Variants in CLIP1 observed in about 807,000 individuals in gnomAD.
CLIP1 encodes CAP-Gly domain containing linker protein 1.
In CLIP1, 66 loss-of-function variants were observed where a neutral mutation model predicts 161.6. The observed-to-expected ratio is 0.41, with a 90% CI of 0.33 to 0.50. The LOEUF (loss-of-function observed/expected upper bound fraction) is 0.50. CLIP1 is among the 20% of genes least tolerant of loss of function. The pLI is 0.27. For missense variants in CLIP1, 1,376 were observed against 1,702.0 expected (o/e 0.81, Z 3.37); for synonymous variants, 598 against 626.2 (o/e 0.96, Z 0.67).
intron 19 of CLIP1, among the ~76,000 whole-genome samples, chr12:122,312,606 A>G (rs1951098014): frequency 6.6e-6 from 1 of 152,170 alleles, no homozygotes; most frequent in African/African-American, 2.4e-5. Flanking sequence ...TCTACTAAAA[A>G]TACAAAAATT....
chr12:122,420,141 C>G (rs1483945413), intron 1 of CLIP1, among the ~76,000 whole-genome samples: 1 of 151,266 alleles, frequency 6.6e-6, no homozygotes, highest in Non-Finnish European at 1.5e-5. Flanking sequence ...CAGGTGTGAT[C>G]AGCCTGGCTG....
At chr12:122,366,891 C>T (rs924034801) in intron 3 of CLIP1, among the ~76,000 whole-genome samples, 4 of 152,168 alleles carry the variant, frequency 2.6e-5, no homozygotes, top group Non-Finnish European at 5.9e-5. Flanking sequence ...TTTTAGTACT[C>T]GTTAGTACTA....
At chr12:122,410,355 T>C (rs1224815700) in intron 1 of CLIP1, among the ~76,000 whole-genome samples, 1 of 152,024 alleles carries the variant, frequency 6.6e-6, no homozygotes, top group Non-Finnish European at 1.5e-5. Flanking sequence ...ACCATTTTCA[T>C]TCGAAATGGT....
chr12:122,305,637 A>G (rs535982002), intron 20 of CLIP1, among the ~76,000 whole-genome samples: 2 of 152,288 alleles, frequency 1.3e-5, no homozygotes, highest in East Asian at 3.9e-4. Flanking sequence ...TTGAGGATGC[A>G]AAGTACTGAT....
At chr12:122,277,819 T>C (rs1955490722) in intron 24 of CLIP1, 2 of 227,860 alleles carry the variant, frequency 8.8e-6, no homozygotes, top group Non-Finnish European at 1.7e-5. Flanking sequence ...TTATGTAGTA[T>C]GCCATTATTT....
rs1953100917 is a variant in CLIP1 at position 122,352,715 on chromosome 12, A to T, written c.1368+11T>A. On this transcript the variant is annotated intron_variant, in intron 8 of 25. Coordinates refer to ENST00000620786, the MANE Select transcript of CLIP1 (RefSeq NM_001247997.2). ...CCCATAAAAGCTGTAAGAGAGCTGG[A>T]GGGGTTTTACCTCAAGATCACCTTT... is the stretch of plus-strand genomic sequence containing the variant. The T allele has an allele frequency of 3.1e-6, 5 of 1,610,618 alleles. No individual in the cohort carries two copies. In the African/African-American group the frequency reaches 6.7e-5, roughly 21 times the overall value.
At chr12:122,345,362 C>A (rs1952697587) in intron 10 of CLIP1, among the ~76,000 whole-genome samples, 1 of 151,638 alleles carries the variant, frequency 6.6e-6, no homozygotes, top group Non-Finnish European at 1.5e-5. Flanking sequence ...GGTATCACCA[C>A]CTTGCCCAGG....
In CLIP1 at chr12:122,349,145, A is replaced by C. The variant is rs150532387; in HGVS notation, c.1402-1666T>G. ...AATTTCCCTGCTTTTATAAGAAAAG[A>C]ATCTAATCCTTATCTACATAATTGG... On this transcript the variant is annotated intron_variant, in intron 9 of 25. Transcript: ENST00000620786. Among the ~76,000 whole-genome samples, 364 of 152,362 alleles carry C rather than the reference A, an allele frequency of 2.4e-3. 1 individual carries two copies. Among genetic ancestry groups the C allele is most frequent in the African/African-American group, 8.4e-3 (350 of 41,586 alleles).
chr12:122,365,251 A>AT, intron 3 of CLIP1: 1 of 548,416 alleles, frequency 1.8e-6, no homozygotes, highest in Non-Finnish European at 3.2e-6. Context: ...TAAAATAAAA[A>AT]TAAAAAAAAG....
intron 25 of CLIP1, among the ~76,000 whole-genome samples, 172 bp downstream of exon 25, chr12:122,273,866 G>A (rs933302519): frequency 3.3e-5 from 5 of 151,996 alleles, no homozygotes; most frequent in Non-Finnish European, 5.9e-5. Context: ...CAAGTAGCTG[G>A]GATTACAGGC....
rs1951595250 is a variant in CLIP1, at chr12:122,323,494, C to T, written c.3250-4146G>A. On this transcript the variant is annotated intron_variant, in intron 17 of 25. Coordinates refer to ENST00000620786, the MANE Select transcript of CLIP1 (RefSeq NM_001247997.2). The surrounding 1 kb of genome is among the most constrained non-coding windows in gnomAD (Gnocchi z 4.1). ...TGTTTGCGGCCTCGAGTTGCACGGT[C>T]TCCAGCTCTGCCTTCCTCAGGGCCT... 1 of 152,686 alleles carries T rather than the reference C, an allele frequency of 6.5e-6. No homozygotes were observed. Among genetic ancestry groups the T allele is most frequent in the African/African-American group, 2.4e-5 (1 of 41,456 alleles). The allele number at this position is 152,686 out of a possible 1,614,324, so 9.5% of individuals were successfully genotyped here.
At chr12:122,360,834 C>A in intron 5 of CLIP1, 125 bp downstream of exon 5, 1 of 776,728 alleles carries the variant, frequency 1.3e-6, no homozygotes, top group Non-Finnish European at 1.9e-6. Context: ...ACTTTCACAG[C>A]AAAAGCTGTG....
At chr12:122,401,869 T>G (rs1465707585) in intron 1 of CLIP1, among the ~76,000 whole-genome samples, 1 of 151,990 alleles carries the variant, frequency 6.6e-6, no homozygotes, top group Non-Finnish European at 1.5e-5. Flanking sequence ...TGGTAGCACA[T>G]GCCTGTAATC....
In CLIP1 at chr12:122,341,333, T is replaced by C; in HGVS notation, c.1871A>G (p.Lys624Arg). The part of the protein sequence containing the change: ...KENSDVIALW[K>R]SKLETAIASH... ...TGCGATGGCAGTCTCCAGTTTGGAC[T>C]TCCATAGAGCTATCACATCTGAGTT... The change falls in exon 11 of 26, where the codon AAG (lysine) becomes AGG (arginine). Residue 624 changes from lysine (K) to arginine (R), a missense_variant. Physicochemically the swap from Lys to Arg is conservative, Grantham distance 26. This residue lies in a region of CLIP1 where 948 missense variants were observed against 1,134.8 expected (regional missense o/e 0.84). Coordinates refer to ENST00000620786, the MANE Select transcript of CLIP1 (RefSeq NM_001247997.2). 3 of 1,614,134 alleles carry C rather than the reference T, an allele frequency of 1.9e-6. No individual in the cohort carries two copies. Among genetic ancestry groups the C allele is most frequent in the Non-Finnish European group, 2.5e-6 (3 of 1,179,998 alleles).
intron 10 of CLIP1, among the ~76,000 whole-genome samples, chr12:122,344,244 C>A (rs1409688203): frequency 1.3e-5 from 2 of 152,090 alleles, no homozygotes; most frequent in Non-Finnish European, 2.9e-5. Flanking sequence ...ACTGCATAAT[C>A]AAAGTAAATA....
intron 1 of CLIP1, among the ~76,000 whole-genome samples, chr12:122,416,262 T>C (rs1339679710): frequency 6.6e-6 from 1 of 151,874 alleles, no homozygotes; most frequent in African/African-American, 2.4e-5. Context: ...TGGATAGAAA[T>C]AGGAAAGTAT....
Position 122,316,819 on chromosome 12 carries a change from C to T in CLIP1, c.3403G>A (p.Glu1135Lys), listed in dbSNP as rs770260600. 1.3e-6 allele frequency: 2 copies of T among 1,591,204 alleles called. No individual in the cohort carries two copies. Among genetic ancestry groups the T allele is most frequent in the South Asian group, 1.2e-5 (1 of 84,170 alleles). The change falls in exon 19 of 26, where the codon GAA (glutamate) becomes AAA (lysine). Residue 1135 changes from glutamate to lysine, a missense_variant. Glu to Lys is a moderately conservative substitution (Grantham distance 56). Transcript: ENST00000620786. Reference sequence around the variant, plus strand: ...AGTTCTTTTGATTTGTTCAGCTCTTCCACATTTTTCAAGTTGTTTTCTTTA... The same window carrying T: ...AGTTCTTTTGATTTGTTCAGCTCTTTCACATTTTTCAAGTTGTTTTCTTTA... ...TLKENNLKNV[E>K]ELNKSKELLT...
Position 122,351,133 on chromosome 12 carries a change from TG to T in CLIP1, c.1378del (p.Gln460ArgfsTer39). 2 of 1,516,008 alleles carry T rather than the reference TG, an allele frequency of 1.3e-6. No individual in the cohort carries two copies. The highest frequency in any genetic ancestry group is 1.3e-5 in the South Asian group (1 of 77,448). The allele number at this position is 1,516,008 out of a possible 1,614,324, so 93.9% of individuals were successfully genotyped here. A position where few individuals can be genotyped will look rare whatever the true frequency, so the allele number is the denominator to read the frequency against. Reference sequence around the variant, plus strand: ...TACATTCTCAGGATCTTCAGAAATCTGGCTCTTTTGCTATCAGTAAAAAAAT... The same window carrying T: ...TACATTCTCAGGATCTTCAGAAATCTGCTCTTTTGCTATCAGTAAAAAAAT... ...ITKGDLEQKS[Q>X]ISEDPENTQT... On this transcript the variant is annotated frameshift_variant, in exon 9 of 26. Transcript: ENST00000620786. LOFTEE classifies it high-confidence loss of function.
intron 3 of CLIP1, among the ~76,000 whole-genome samples, chr12:122,376,437 C>T (rs1954737151): frequency 6.6e-6 from 1 of 151,950 alleles, no homozygotes; most frequent in Non-Finnish European, 1.5e-5. Flanking sequence ...GTTTGAGTCC[C>T]CAACAGGGAG....
Sources: gnomAD v4.1 joint callset for allele counts (sites outside exome capture counted in the v4.1 genomes callset) on GRCh38, gnomAD v4.1.1 for gene constraint, gnomAD v4.1.1 regional missense constraint, Gnocchi (gnomAD v3.1) non-coding constraint, MANE v1.5 for transcripts, NCBI Gene and HGNC (gene_info 2026-07-23, HGNC 2026-07-21) for gene names.